TMCO4: variants seen among roughly 807,000 people sequenced by gnomAD.
The protein encoded by TMCO4 is transmembrane and coiled-coil domain-containing protein 4.
TMCO4 carries 58 observed loss-of-function variants against 64.7 expected under a neutral mutation model. The observed-to-expected ratio is 0.90, with a 90% CI of 0.73 to 1.12. The LOEUF is 1.12. Among genes scored for constraint, TMCO4 ranks in the 50% most tolerant of loss-of-function variants. The probability of loss-of-function intolerance (pLI) is 0.00; values close to 1 mark genes in which losing one functional copy is unlikely to be tolerated. For missense variants in TMCO4, 780 were observed against 825.9 expected (o/e 0.94, Z 0.68); for synonymous variants, 325 against 346.1 (o/e 0.94, Z 0.68).
intron 13 of TMCO4, among the ~76,000 whole-genome samples, chr1:19,703,966 G>A (rs911070395): frequency 3.9e-5 from 6 of 152,300 alleles, no homozygotes; most frequent in South Asian, 2.1e-4. Context: ...TTTGCTGAGC[G>A]ACACAGGACA....
chr1:19,766,917 T>C lies in TMCO4; in HGVS notation c.382+3625A>G, dbSNP rs189990558. 2.9e-3 allele frequency among the ~76,000 whole-genome samples: 441 copies of C among 152,278 alleles called. 1 individual carries two copies. The highest frequency in any genetic ancestry group is 9.4e-3 in the African/African-American group (389 of 41,554). On this transcript the variant is annotated intron_variant, in intron 6 of 15. Coordinates refer to ENST00000294543, the MANE Select transcript of TMCO4 (RefSeq NM_181719.7). ...TAGGTGATTTGAGGGTCTACCTACC[T>C]CTGATCTCTGGGGACCTTTGGGGCC...
chr1:19,731,299 G>T (rs2095428964), intron 13 of TMCO4, among the ~76,000 whole-genome samples: 1 of 152,184 alleles, frequency 6.6e-6, no homozygotes, highest in South Asian at 2.1e-4. Flanking sequence ...AATATGACAT[G>T]CCTACTCCCA....
chr1:19,780,617 T>C lies in TMCO4; in HGVS notation c.142A>G (p.Ile48Val), dbSNP rs538764800. Residue 48 changes from isoleucine (I) to valine (V), a missense_variant, in exon 4 of 16, where the codon ATC becomes GTC. By Grantham distance (29) the Ile-to-Val change is conservative. Coordinates refer to ENST00000294543, the MANE Select transcript of TMCO4 (RefSeq NM_181719.7). ...NRFAYAALCG[I>V]SLSQLFPEPE... ...TCAGGAAATAACTGGGACAGGGAGA[T>C]GCCACAGAGGGCAGCATAGGCGAAG... 1 of 1,612,200 alleles carries C rather than the reference T, an allele frequency of 6.2e-7. No homozygotes were observed. Among genetic ancestry groups the C allele is most frequent in the South Asian group, 1.1e-5 (1 of 90,764 alleles).
At chr1:19,762,926 C>T (rs2100981569) in intron 6 of TMCO4, among the ~76,000 whole-genome samples, 1 of 152,316 alleles carries the variant, frequency 6.6e-6, no homozygotes, top group African/African-American at 2.4e-5. Context: ...GCGAAGGAAC[C>T]CAGAGGCAGA....
chr1:19,787,564 T>A (rs554973873), intron 2 of TMCO4, among the ~76,000 whole-genome samples: 21 of 152,176 alleles, frequency 1.4e-4, no homozygotes, highest in Non-Finnish European at 2.6e-4. Flanking sequence ...GATTTTCCTA[T>A]ATTTCTCCCT....
rs552144709 is a variant in TMCO4 at position 19,759,139 on chromosome 1, C to T, written c.383-3373G>A. On this transcript the variant is annotated intron_variant, in intron 6 of 15. Coordinates refer to ENST00000294543, the MANE Select transcript of TMCO4 (RefSeq NM_181719.7). ...AAAAAAAAAAAAAAAAGTGCTCCAT[C>T]CACCCTGGGGCTCAGACCACAAGCC... is the stretch of plus-strand genomic sequence containing the variant. Among the ~76,000 whole-genome samples, 277 of 150,482 alleles carry T rather than the reference C, an allele frequency of 1.8e-3. 4 individuals carry two copies. In the South Asian group the frequency reaches 0.02, roughly 11 times the overall value.
At chr1:19,749,782 G>A (rs2041948133) in intron 7 of TMCO4, among the ~76,000 whole-genome samples, 1 of 152,214 alleles carries the variant, frequency 6.6e-6, no homozygotes. Context: ...CCCAGAACCA[G>A]TACAATGTGA....
intron 6 of TMCO4, among the ~76,000 whole-genome samples, chr1:19,760,579 G>A (rs1225416565): frequency 1.3e-5 from 2 of 152,156 alleles, no homozygotes; most frequent in Non-Finnish European, 2.9e-5. Flanking sequence ...TCCATGCTCT[G>A]ATAATATATA....
rs1491538877 is a variant in TMCO4 at position 19,684,062 on chromosome 1, GCT to G, written c.1501-620_1501-619del. On this transcript the variant is annotated intron_variant, in intron 15 of 15. Transcript: ENST00000294543. Reference sequence around the variant, plus strand: ...CAGGCGTGAGCCACTGTGCCCGGCAGCTTTTTTTTTTTTTTTTTTTTTTTTTA... The same window carrying G: ...CAGGCGTGAGCCACTGTGCCCGGCAGTTTTTTTTTTTTTTTTTTTTTTTTA... Among the ~76,000 whole-genome samples the G allele has an allele frequency of 6.0e-5, 6 of 100,424 alleles. 1 individual carries two copies. Among genetic ancestry groups the G allele is most frequent in the Admixed American group, 9.4e-5 (1 of 10,620 alleles). The allele number at this position is 100,424 out of a possible 152,430, so 65.9% of individuals were successfully genotyped here. A position where few individuals can be genotyped will look rare whatever the true frequency, so the allele number is the denominator to read the frequency against.
At chr1:19,744,511 C>T (rs891904713) in intron 10 of TMCO4, among the ~76,000 whole-genome samples, 17 of 152,150 alleles carry the variant, frequency 1.1e-4, no homozygotes, top group African/African-American at 4.1e-4. Flanking sequence ...TGATCTCTCA[C>T]TCACATGCTG....
At chr1:19,757,775 T>G (rs1446023216) in intron 6 of TMCO4, among the ~76,000 whole-genome samples, 2 of 152,182 alleles carry the variant, frequency 1.3e-5, no homozygotes, top group Non-Finnish European at 2.9e-5. Context: ...TGTACCTACC[T>G]GGGGTGTGAC....
intron 13 of TMCO4, among the ~76,000 whole-genome samples, chr1:19,724,670 G>A (rs1172401284): frequency 6.6e-6 from 1 of 152,196 alleles, no homozygotes; most frequent in Non-Finnish European, 1.5e-5. Flanking sequence ...GACAGGTGAA[G>A]TGACTTGCCC....
intron 13 of TMCO4, among the ~76,000 whole-genome samples, chr1:19,717,972 A>T (rs1484147984): frequency 6.6e-6 from 1 of 152,202 alleles, no homozygotes; most frequent in Non-Finnish European, 1.5e-5. Context: ...CAGGCTTGCT[A>T]ATTACTGGCT....
At chr1:19,763,471 T>A (rs540318518) in intron 6 of TMCO4, among the ~76,000 whole-genome samples, 3 of 152,348 alleles carry the variant, frequency 2.0e-5, no homozygotes, top group African/African-American at 7.2e-5. Flanking sequence ...AAGTGCCCGA[T>A]ACAGGGTGGC....
chr1:19,780,343 G>A (rs772415504), intron 4 of TMCO4, among the ~76,000 whole-genome samples: 4 of 152,168 alleles, frequency 2.6e-5, no homozygotes, highest in Non-Finnish European at 5.9e-5. Context: ...GGAGGCAGAG[G>A]TCAGGCAGTA....
In TMCO4 at chr1:19,781,408, A is replaced by G. The variant is rs556791942; in HGVS notation, c.-8-642T>C. 8.5e-5 allele frequency among the ~76,000 whole-genome samples: 13 copies of G among 152,056 alleles called. No individual in the cohort carries two copies. The South Asian group carries it at 2.7e-3, about 32-fold the overall frequency. On this transcript the variant is annotated intron_variant, in intron 3 of 15. Transcript: ENST00000294543. ...CTTAAGCCTAGGAGTTTAAGGCTGC[A>G]ATGAGCTATGATCATTGCACTCCAG... is the stretch of plus-strand genomic sequence containing the variant.
chr1:19,742,116 T>G (rs762971067), intron 10 of TMCO4, among the ~76,000 whole-genome samples: 11 of 152,046 alleles, frequency 7.2e-5, no homozygotes, highest in Non-Finnish European at 1.2e-4. Flanking sequence ...GTACATCAGT[T>G]CCCCTAGATC....
intron 14 of TMCO4, among the ~76,000 whole-genome samples, chr1:19,695,638 G>A (rs1308801962): frequency 6.6e-6 from 1 of 152,164 alleles, no homozygotes; most frequent in Non-Finnish European, 1.5e-5. Flanking sequence ...GCCCTGCTGT[G>A]TGACCACAGG....
intron 13 of TMCO4, among the ~76,000 whole-genome samples, chr1:19,703,131 T>C (rs1452118525): frequency 6.6e-6 from 1 of 152,212 alleles, no homozygotes; most frequent in Non-Finnish European, 1.5e-5. Context: ...AAGATTTGAA[T>C]GAATGAATGA....
Sources: allele counts gnomAD v4.1 joint callset (sites outside exome capture counted in the v4.1 genomes callset), GRCh38; gene constraint gnomAD v4.1.1; transcripts MANE v1.5; gene names NCBI Gene and HGNC (gene_info 2026-07-23, HGNC 2026-07-21).